The following NAV2 variants were observed in gnomAD, a reference collection of about 807,000 sequenced individuals.
NAV2 encodes helicase, APC down-regulated 1.
A neutral mutation model predicts 223.2 loss-of-function variants in NAV2; 54 were observed. The observed-to-expected ratio is 0.24, with a 90% CI of 0.19 to 0.30. The LOEUF is 0.30. Ranked by LOEUF, NAV2 falls within the 10% of genes least tolerant of loss-of-function variation. The probability of loss-of-function intolerance (pLI) is 1.00; values close to 1 mark genes in which losing one functional copy is unlikely to be tolerated. For synonymous variants in NAV2, 1,279 were observed against 1,239.3 expected (o/e 1.03, Z -0.67); for missense variants, 2,806 against 3,147.5 (o/e 0.89, Z 2.60).
chr11:19,891,125 T>G (rs573682693), intron 5 of NAV2, among the ~76,000 whole-genome samples: 21 of 152,308 alleles, frequency 1.4e-4, no homozygotes, highest in Admixed American at 3.9e-4. Context: ...AAGTTTAAAG[T>G]GATTGCCTGC....
chr11:19,984,862 T>A (rs2050630227), intron 11 of NAV2, among the ~76,000 whole-genome samples: 1 of 152,228 alleles, frequency 6.6e-6, no homozygotes, highest in South Asian at 2.1e-4. Flanking sequence ...TAGTTCTTAC[T>A]CTGACAAACT....
intron 1 of NAV2, among the ~76,000 whole-genome samples, chr11:19,623,180 T>C (rs972476678): frequency 3.9e-5 from 6 of 152,182 alleles, no homozygotes; most frequent in African/African-American, 1.4e-4. Context: ...TGACCTTTCT[T>C]TCTGGCTGCC....
At chr11:19,669,590 G>T (rs2048520276) in intron 1 of NAV2, among the ~76,000 whole-genome samples, 2 of 152,324 alleles carry the variant, frequency 1.3e-5, no homozygotes, top group Admixed American at 1.3e-4. Context: ...TTAGGCATTG[G>T]GTACCATGGA....
At chr11:19,771,645 C>A (rs930831668) in intron 1 of NAV2, among the ~76,000 whole-genome samples, 1 of 151,936 alleles carries the variant, frequency 6.6e-6, no homozygotes, top group South Asian at 2.1e-4. Context: ...CAGGAAGTGA[C>A]AAATTAAACC....
intron 11 of NAV2, among the ~76,000 whole-genome samples, chr11:20,008,829 A>G (rs905970400): frequency 6.6e-6 from 1 of 151,782 alleles, no homozygotes; most frequent in African/African-American, 2.4e-5. Flanking sequence ...CTGGCATCTG[A>G]TAAATGTTTT....
chr11:19,600,564 A>T (rs1000663756), intron 1 of NAV2, among the ~76,000 whole-genome samples: 1 of 152,224 alleles, frequency 6.6e-6, no homozygotes, highest in African/African-American at 2.4e-5. Context: ...GTGGCTAAGA[A>T]CATGGACTCT....
At chr11:19,477,512 C>T (rs1019553667) in intron 1 of NAV2, among the ~76,000 whole-genome samples, 1 of 152,146 alleles carries the variant, frequency 6.6e-6, no homozygotes, top group Non-Finnish European at 1.5e-5. Flanking sequence ...TGCATTCAGA[C>T]GGAACTGGGT....
chr11:19,717,158 G>A (rs535142721), intron 1 of NAV2, among the ~76,000 whole-genome samples: 1 of 152,252 alleles, frequency 6.6e-6, no homozygotes. Flanking sequence ...GGGTGGCAGG[G>A]CAGGGAGTCC....
chr11:19,477,562 T>C (rs2042155671), intron 1 of NAV2, among the ~76,000 whole-genome samples: 1 of 152,226 alleles, frequency 6.6e-6, no homozygotes, highest in Non-Finnish European at 1.5e-5. Flanking sequence ...TACTTCTTTC[T>C]GGGTCTCAGT....
At chr11:19,776,631 A>AGTGTGTGTGTGT (rs1565295867) in intron 1 of NAV2, among the ~76,000 whole-genome samples, 2 of 22,700 alleles carry the variant, frequency 8.8e-5, no homozygotes, top group Non-Finnish European at 1.7e-4. Flanking sequence ...GGGGTCAGAA[A>AGTGTGTGTGTGT]ATGTGTGTGT....
intron 5 of NAV2, among the ~76,000 whole-genome samples, 199 bp from the exon 6 acceptor site, chr11:19,892,235 A>G (rs956780394): frequency 6.6e-6 from 1 of 152,198 alleles, no homozygotes; most frequent in African/African-American, 2.4e-5. Context: ...GGGAAACTTC[A>G]CATTTTGCTG....
In NAV2 at chr11:19,852,715, T is replaced by C. The variant is rs1031250937; in HGVS notation, c.438+9792T>C. Among the ~76,000 whole-genome samples the C allele has an allele frequency of 2.0e-4, 30 of 152,358 alleles. No homozygotes were observed. In the Middle Eastern group the frequency reaches 0.014, roughly 69 times the overall value. On this transcript the variant is annotated intron_variant, in intron 3 of 37. Coordinates refer to ENST00000349880, the MANE Select transcript of NAV2 (RefSeq NM_145117.5). ...CAAAGCTTTGTAATGTGAATAGTTT[T>C]TTTAAAAATCTCTTTCAGTTCAATA...
intron 1 of NAV2, among the ~76,000 whole-genome samples, chr11:19,657,835 G>A (rs1222642832): frequency 6.6e-6 from 1 of 152,144 alleles, no homozygotes; most frequent in African/African-American, 2.4e-5. Context: ...TCACCAGGAA[G>A]GGGAGCCCAG....
chr11:19,647,616 C>T (rs1046077333), intron 1 of NAV2, among the ~76,000 whole-genome samples: 1 of 152,162 alleles, frequency 6.6e-6, no homozygotes, highest in Non-Finnish European at 1.5e-5. Context: ...GCATCTGGAT[C>T]TTCCAGCTCT....
At chr11:19,926,334 T>G (rs1440172337) in intron 6 of NAV2, among the ~76,000 whole-genome samples, 1 of 152,202 alleles carries the variant, frequency 6.6e-6, no homozygotes, top group Non-Finnish European at 1.5e-5. Context: ...CCTGTCTCCA[T>G]TCTTTGTTTG....
At chr11:19,864,825 G>T (rs1477944051) in intron 3 of NAV2, among the ~76,000 whole-genome samples, 1 of 152,170 alleles carries the variant, frequency 6.6e-6, no homozygotes, top group African/African-American at 2.4e-5. Flanking sequence ...GTGCATCCTG[G>T]TCTGCCCCTT....
At chr11:19,891,082 C>T (rs1331028290) in intron 5 of NAV2, among the ~76,000 whole-genome samples, 1 of 152,200 alleles carries the variant, frequency 6.6e-6, no homozygotes, top group Non-Finnish European at 1.5e-5. Context: ...TCTGTTTACT[C>T]TACAACCATC....
intron 1 of NAV2, among the ~76,000 whole-genome samples, chr11:19,480,966 G>A (rs1001450800): frequency 2.0e-5 from 3 of 152,174 alleles, no homozygotes; most frequent in Non-Finnish European, 4.4e-5. Context: ...TGAAGGGGAG[G>A]AATAGAGGGA....
Position 19,523,503 on chromosome 11 carries a change from A to G in NAV2, c.75+172476A>G, listed in dbSNP as rs149962349. On this transcript the variant is annotated intron_variant, in intron 1 of 37. Coordinates refer to the NAV2 transcript ENST00000360655. ...ATACACAAAACATCTGGGTGGTGGC[A>G]CTGGCTCACCTGTTGAAGTTCTGCC... 5.1e-4 allele frequency among the ~76,000 whole-genome samples: 77 copies of G among 152,340 alleles called. No homozygotes were observed. The East Asian group carries it at 0.014, about 28-fold the overall frequency.
Sources: allele counts gnomAD v4.1 joint callset (sites outside exome capture counted in the v4.1 genomes callset), GRCh38; gene constraint gnomAD v4.1.1; transcripts MANE v1.5; gene names NCBI Gene and HGNC (gene_info 2026-07-23, HGNC 2026-07-21).